The following MCF2L2 variants were observed in gnomAD, a reference collection of about 807,000 sequenced individuals.
MCF2L2 encodes probable guanine nucleotide exchange factor MCF2L2.
Under a neutral mutation model 150.2 loss-of-function variants are expected in MCF2L2, and 102 were observed. That is an observed-to-expected ratio of 0.68 (90% confidence interval 0.58 to 0.80). MCF2L2 has a LOEUF of 0.80. Ranked by LOEUF, MCF2L2 falls within the 30% of genes least tolerant of loss-of-function variation. MCF2L2 has a pLI of 0.00. For missense variants in MCF2L2, 1,256 were observed against 1,372.8 expected, an observed-to-expected ratio of 0.91 and a Z score of 1.34; for synonymous variants, 465 against 491.3, an observed-to-expected ratio of 0.95 and a Z score of 0.71.
In MCF2L2 at chr3:183,267,086, T is replaced by G. The variant is rs1726220257; in HGVS notation, c.1862+9786A>C. ...CAGGCGTGAGCCACCATGGCCGGCC[T>G]TCAGCCTTTGTGATATTAAAGCACA... is the stretch of plus-strand genomic sequence containing the variant. On this transcript the variant is annotated intron_variant, in intron 15 of 29. Coordinates refer to ENST00000328913, the MANE Select transcript of MCF2L2 (RefSeq NM_015078.4). The surrounding 1 kb of genome is among the most constrained non-coding windows in gnomAD (Gnocchi z 5.5). Among the ~76,000 whole-genome samples, 1 of 152,154 alleles carries G rather than the reference T, an allele frequency of 6.6e-6. No individual in the cohort carries two copies. The highest frequency in any genetic ancestry group is 2.4e-5 in the African/African-American group (1 of 41,438).
At chr3:183,298,206 G>A (rs1728638506) in intron 11 of MCF2L2, 1 of 152,176 alleles carries the variant, frequency 6.6e-6, no homozygotes, top group Non-Finnish European at 1.5e-5. Flanking sequence ...CATTTTCTTT[G>A]CTCTTTTGAA....
At chr3:183,220,828 T>C (rs1723122791) in intron 20 of MCF2L2, among the ~76,000 whole-genome samples, 1 of 152,224 alleles carries the variant, frequency 6.6e-6, no homozygotes, top group Non-Finnish European at 1.5e-5. Flanking sequence ...CTTTTGCAAA[T>C]TGCTATGTCC....
chr3:183,257,727 G>A (rs1483511582), intron 15 of MCF2L2, among the ~76,000 whole-genome samples: 2 of 152,074 alleles, frequency 1.3e-5, no homozygotes, highest in East Asian at 3.9e-4. Flanking sequence ...GCAGACACTG[G>A]GTTATATCGT....
intron 13 of MCF2L2, among the ~76,000 whole-genome samples, chr3:183,293,420 A>C (rs949882774): frequency 6.6e-6 from 1 of 152,270 alleles, no homozygotes; most frequent in Non-Finnish European, 1.5e-5. Flanking sequence ...CAGTTGTTTT[A>C]ACATTTGAAA....
At chr3:183,319,540 A>T (rs545831672) in intron 6 of MCF2L2, among the ~76,000 whole-genome samples, 3,704 of 152,356 alleles carry the variant, frequency 0.024, 160 homozygotes, top group African/African-American at 0.085. Context: ...CAGAGGAATC[A>T]CTATCTATGG....
In MCF2L2 at chr3:183,410,626, G is replaced by A. The variant is rs1003327809; in HGVS notation, c.76+17276C>T. 2.0e-5 allele frequency among the ~76,000 whole-genome samples: 3 copies of A among 152,232 alleles called. No individual in the cohort carries two copies. The South Asian group carries it at 6.2e-4, about 32-fold the overall frequency. ...CCGAGCACCTAGGCAGTCACACAGGGGAGGTGGCACACTGAATATGGGGCA... is the reference window on the plus strand; with the variant it reads ...CCGAGCACCTAGGCAGTCACACAGGAGAGGTGGCACACTGAATATGGGGCA... On this transcript the variant is annotated intron_variant, in intron 1 of 29. Transcript: ENST00000328913.
intron 25 of MCF2L2, among the ~76,000 whole-genome samples, chr3:183,203,321 A>G (rs2108644210): frequency 6.6e-6 from 1 of 152,358 alleles, no homozygotes; most frequent in African/African-American, 2.4e-5. Context: ...AAGTTAAAGG[A>G]AATCATATAT....
intron 5 of MCF2L2, among the ~76,000 whole-genome samples, chr3:183,338,218 G>A (rs939835298): frequency 1.3e-5 from 2 of 151,702 alleles, no homozygotes; most frequent in African/African-American, 2.4e-5. Flanking sequence ...AGGCCGATGC[G>A]GGTGTATCAC....
intron 15 of MCF2L2, among the ~76,000 whole-genome samples, chr3:183,250,719 C>CAG (rs1196327596): frequency 1.3e-5 from 2 of 151,952 alleles, no homozygotes; most frequent in African/African-American, 2.4e-5. Context: ...GGCCGGGGGG[C>CAG]AGAGAAAGAG....
At chr3:183,259,250 T>C (rs1409622509) in intron 15 of MCF2L2, among the ~76,000 whole-genome samples, 1 of 152,158 alleles carries the variant, frequency 6.6e-6, no homozygotes, top group Non-Finnish European at 1.5e-5. Flanking sequence ...TGAGTGAACG[T>C]TGTTCTTCTA....
chr3:183,272,693 A>G, intron 15 of MCF2L2: 4 of 1,010,436 alleles, frequency 4.0e-6, no homozygotes, highest in Non-Finnish European at 4.8e-6. Flanking sequence ...AAAAAAACAT[A>G]GAGAACAAAA....
chr3:183,300,241 C>G (rs1223411796), intron 10 of MCF2L2, 45 bp from the exon 11 acceptor site: 1 of 1,539,706 alleles, frequency 6.5e-7, no homozygotes, highest in African/African-American at 1.4e-5. Flanking sequence ...GTCAGAGCAT[C>G]ATGAGGCTGA....
At position 183,216,173 on chromosome 3, in the gene MCF2L2, G is replaced by A. The variant is rs561662326; in HGVS notation, c.2371-79C>T. On this transcript the variant is annotated intron_variant, in intron 21 of 29. Coordinates refer to ENST00000328913, the MANE Select transcript of MCF2L2 (RefSeq NM_015078.4). The stretch of plus-strand genomic sequence containing the variant: ...AAGAAGGAAAACAGGACAGAGATGA[G>A]GAGCCAGGGATCCAGCCAACCCTGA... 101 of 1,512,610 alleles carry A rather than the reference G, an allele frequency of 6.7e-5. No homozygotes were observed. In the African/African-American group the frequency reaches 1.3e-3, roughly 20 times the overall value. 93.7% of individuals were successfully genotyped at this position (1,512,610 alleles called of 1,614,324 possible).
chr3:183,217,735 G>T lies in MCF2L2; in HGVS notation c.2371-1641C>A, dbSNP rs113475384. On this transcript the variant is annotated intron_variant, in intron 21 of 29. Transcript: ENST00000328913. ...TCCTTCCTTCCTCCACTTGTCCCTG[G>T]CCCTCCCCACATTGCACCACCATTA... Among the ~76,000 whole-genome samples, 117 of 152,002 alleles carry T rather than the reference G, an allele frequency of 7.7e-4. 2 individuals carry two copies. In the East Asian group the frequency reaches 0.014, roughly 18 times the overall value.
Position 183,227,891 on chromosome 3 carries a change from C to T in MCF2L2, c.2115+406G>A. 6.0e-6 allele frequency: 1 copy of T among 166,898 alleles called. No individual in the cohort carries two copies. 10.3% of individuals were successfully genotyped at this position (166,898 alleles called of 1,614,324 possible). A position where few individuals can be genotyped will look rare whatever the true frequency, so the allele number is the denominator to read the frequency against. ...GTCGCCATGCTGTGCGTTACATCTC[C>T]AGGACTTACTCATCTCATAACTGCA... On this transcript the variant is annotated intron_variant, in intron 18 of 29. Transcript: ENST00000328913. The surrounding 1 kb of genome is among the most constrained non-coding windows in gnomAD (Gnocchi z 4.0).
At chr3:183,357,666 C>A (rs960836990) in intron 3 of MCF2L2, among the ~76,000 whole-genome samples, 2 of 152,082 alleles carry the variant, frequency 1.3e-5, no homozygotes, top group Non-Finnish European at 2.9e-5. Flanking sequence ...CTTTTCCATG[C>A]ACACCCTGAC....
At chr3:183,273,104 A>C in intron 15 of MCF2L2, 1 of 1,304,126 alleles carries the variant, frequency 7.7e-7, no homozygotes, top group Non-Finnish European at 1.0e-6. Flanking sequence ...AAAAGAAGGA[A>C]AAAACTTTTT....
chr3:183,418,497 C>G (rs1715713017), intron 1 of MCF2L2, among the ~76,000 whole-genome samples: 1 of 152,226 alleles, frequency 6.6e-6, no homozygotes, highest in Non-Finnish European at 1.5e-5. Flanking sequence ...AAAGTCTCAT[C>G]TGAGACAAGG....
intron 15 of MCF2L2, among the ~76,000 whole-genome samples, chr3:183,234,910 A>G (rs2108677491): frequency 9.6e-6 from 1 of 104,552 alleles, no homozygotes; most frequent in East Asian, 2.5e-4. Flanking sequence ...ATGTGATCTC[A>G]TTGTTCAATT....
Sources: allele counts gnomAD v4.1 joint callset (sites outside exome capture counted in the v4.1 genomes callset), GRCh38; gene constraint gnomAD v4.1.1; non-coding constraint Gnocchi (gnomAD v3.1); transcripts MANE v1.5; gene names NCBI Gene and HGNC (gene_info 2026-07-23, HGNC 2026-07-21).